DAB1: variants seen among roughly 807,000 people sequenced by gnomAD.
The protein encoded by DAB1 is disabled homolog 1.
A neutral mutation model predicts 64.6 loss-of-function variants in DAB1; 15 were observed. That is an observed-to-expected ratio of 0.23 (90% confidence interval 0.16 to 0.36). The LOEUF (loss-of-function observed/expected upper bound fraction) is 0.36. Ranked by LOEUF, DAB1 falls within the 10% of genes least tolerant of loss-of-function variation. The pLI is 1.00. For synonymous variants in DAB1, 235 were observed against 251.9 expected (o/e 0.93, Z 0.64); for missense variants, 596 against 706.7 (o/e 0.84, Z 1.78).
chr1:57,904,484 A>C (rs1480741388), intron 5 of DAB1, among the ~76,000 whole-genome samples: 1 of 152,202 alleles, frequency 6.6e-6, no homozygotes, highest in Non-Finnish European at 1.5e-5. Flanking sequence ...GACACACTAT[A>C]GACTAAGCAA....
chr1:57,823,243 A>T (rs1652200800), downstream of DAB1, among the ~76,000 whole-genome samples: 1 of 152,118 alleles, frequency 6.6e-6, no homozygotes, highest in Non-Finnish European at 1.5e-5. Flanking sequence ...TCGAACTCCC[A>T]AAGTGCTGGG....
intron 3 of DAB1, chr1:58,474,090 C>A (rs1001881085): frequency 1.0e-4 from 46 of 455,338 alleles, no homozygotes; most frequent in African/African-American, 8.7e-4. Flanking sequence ...AATAAAGCAT[C>A]AAGCATTCCT....
chr1:57,485,503 G>T (rs1213385899), intron 7 of DAB1, among the ~76,000 whole-genome samples: 1 of 152,154 alleles, frequency 6.6e-6, no homozygotes, highest in African/African-American at 2.4e-5. Flanking sequence ...ATTCATATTT[G>T]TGCTGATGTC....
At chr1:58,251,312 C>T (rs1474738463) in intron 4 of DAB1, among the ~76,000 whole-genome samples, 2 of 152,190 alleles carry the variant, frequency 1.3e-5, no homozygotes, top group Non-Finnish European at 2.9e-5. Flanking sequence ...TTCAAAAGAA[C>T]ACAGACAAGT....
At chr1:57,964,567 T>C (rs1645605623) in intron 5 of DAB1, among the ~76,000 whole-genome samples, 1 of 152,222 alleles carries the variant, frequency 6.6e-6, no homozygotes, top group Non-Finnish European at 1.5e-5. Flanking sequence ...CGAGTGTCTA[T>C]AATGTGAGGC....
chr1:58,206,625 T>C (rs1396684961), intron 4 of DAB1, among the ~76,000 whole-genome samples: 1 of 152,218 alleles, frequency 6.6e-6, no homozygotes, highest in Non-Finnish European at 1.5e-5. Context: ...CTAGACAACA[T>C]ACCTTCCCAG....
chr1:57,270,714 C>T (rs1166620833), intron 2 of DAB1, among the ~76,000 whole-genome samples: 3 of 152,220 alleles, frequency 2.0e-5, no homozygotes, highest in African/African-American at 7.2e-5. Context: ...GCAATGAACA[C>T]AGGAGTGTCC....
chr1:57,268,430 T>A (rs1670746242), intron 2 of DAB1, among the ~76,000 whole-genome samples: 1 of 152,210 alleles, frequency 6.6e-6, no homozygotes, highest in African/African-American at 2.4e-5. Context: ...AAAATCCAGA[T>A]AACTCTTTGT....
intron 1 of DAB1, among the ~76,000 whole-genome samples, chr1:57,365,270 T>C (rs1170351439): frequency 1.4e-5 from 2 of 141,492 alleles, no homozygotes; most frequent in South Asian, 2.1e-4. Flanking sequence ...AAAGAATATA[T>C]ATAAATATAT....
intron 1 of DAB1, among the ~76,000 whole-genome samples, chr1:57,321,342 A>G (rs60147738): frequency 0.016 from 2,419 of 152,240 alleles, 70 homozygotes; most frequent in African/African-American, 0.055. Context: ...TTTTTCCAGC[A>G]CCACACGGGA....
chr1:57,253,586 C>T (rs1398222628), intron 2 of DAB1, among the ~76,000 whole-genome samples: 1 of 152,138 alleles, frequency 6.6e-6, no homozygotes, highest in African/African-American at 2.4e-5. Context: ...CAGTAAAGGA[C>T]AAGCAATCTT....
chr1:57,183,245 A>C (rs1026830803), intron 2 of DAB1, among the ~76,000 whole-genome samples: 2 of 152,168 alleles, frequency 1.3e-5, no homozygotes, highest in Non-Finnish European at 2.9e-5. Context: ...GATTTTAGAA[A>C]AGTCTTTCAG....
chr1:58,443,248 C>T (rs532498822), intron 3 of DAB1, among the ~76,000 whole-genome samples: 53 of 152,334 alleles, frequency 3.5e-4, no homozygotes, highest in African/African-American at 1.2e-3. Flanking sequence ...TTCTTCCAGT[C>T]CACAACTTGG....
intron 4 of DAB1, among the ~76,000 whole-genome samples, chr1:58,174,483 C>T (rs1355207654): frequency 1.3e-5 from 2 of 152,188 alleles, no homozygotes; most frequent in Non-Finnish European, 2.9e-5. Context: ...CTAAAGAGTT[C>T]CCCTCTGGAG....
chr1:58,236,101 G>A (rs955031731), intron 4 of DAB1, among the ~76,000 whole-genome samples: 9 of 32,178 alleles, frequency 2.8e-4, no homozygotes, highest in African/African-American at 4.3e-4. Flanking sequence ...AGCCCTGCCC[G>A]CCCCCCCGCC....
chr1:58,384,554 T>C (rs1353681428), intron 3 of DAB1, among the ~76,000 whole-genome samples: 3 of 152,136 alleles, frequency 2.0e-5, no homozygotes, highest in East Asian at 1.9e-4. Context: ...GGTAGATGTA[T>C]ATATGAAGGG....
At chr1:57,743,377 C>A (rs954537363) in intron 6 of DAB1, among the ~76,000 whole-genome samples, 3 of 152,138 alleles carry the variant, frequency 2.0e-5, no homozygotes, top group African/African-American at 7.2e-5. Flanking sequence ...TGAGATCCAC[C>A]CCTGCCTGCA....
At position 58,169,029 on chromosome 1, in the gene DAB1, T is replaced by C. The variant is rs940256414; in HGVS notation, n.310-18441A>G. ...ACATTCCTTGGTCCTCCTTGCAGTC[T>C]AGGAGGAAAACTAGTGTTTCTGCTG... On this transcript the variant is annotated intron_variant and non_coding_transcript_variant, in intron 4 of 20. Coordinates refer to the DAB1 transcript ENST00000485760. Among the ~76,000 whole-genome samples the C allele has an allele frequency of 3.1e-4, 47 of 152,164 alleles. 1 individual carries two copies. Among genetic ancestry groups the C allele is most frequent in the African/African-American group, 1.1e-3 (46 of 41,452 alleles).
chr1:57,920,230 G>A (rs185907851), intron 5 of DAB1, among the ~76,000 whole-genome samples: 1 of 152,262 alleles, frequency 6.6e-6, no homozygotes, highest in East Asian at 1.9e-4. Context: ...TCTTTCCAAG[G>A]CCTTATTCAG....
Sources: gnomAD v4.1 joint callset for allele counts (sites outside exome capture counted in the v4.1 genomes callset) on GRCh38, gnomAD v4.1.1 for gene constraint, MANE v1.5 for transcripts, NCBI Gene and HGNC (gene_info 2026-07-23, HGNC 2026-07-21) for gene names.